The following CAT variants were observed in gnomAD, a reference collection of about 807,000 sequenced individuals.
The protein encoded by CAT is epididymis secretory sperm binding protein.
CAT carries 43 observed loss-of-function variants against 59.0 expected under a neutral mutation model. The observed-to-expected ratio is 0.73, with a 90% confidence interval of 0.57 to 0.94. The LOEUF (loss-of-function observed/expected upper bound fraction) is 0.94. Ranked by LOEUF, CAT falls within the 40% of genes least tolerant of loss-of-function variation. The pLI is 0.00. For synonymous variants in CAT, 218 were observed against 230.9 expected, an observed-to-expected ratio of 0.94 and a Z score of 0.51; for missense variants, 664 against 682.9, an observed-to-expected ratio of 0.97 and a Z score of 0.31.
chr11:34,445,417 C>T (rs17880274), intron 1 of CAT, among the ~76,000 whole-genome samples: 2,422 of 127,696 alleles, frequency 0.019, 75 homozygotes, highest in African/African-American at 0.067. Context: ...TGCTTGAACC[C>T]GGGAGGAGGT....
At chr11:34,439,734 G>A (rs536287638) in intron 1 of CAT, among the ~76,000 whole-genome samples, 3 of 152,226 alleles carry the variant, frequency 2.0e-5, no homozygotes, top group South Asian at 4.1e-4. Flanking sequence ...GGCACTGTTC[G>A]GGGCAAGGTG....
At chr11:34,465,497 C>T (rs751201364) in intron 10 of CAT, among the ~76,000 whole-genome samples, 6 of 152,142 alleles carry the variant, frequency 3.9e-5, no homozygotes, top group Admixed American at 2.0e-4. Context: ...AGAATTTTGC[C>T]TATGTGAGGT....
chr11:34,455,456 A>G (rs1319905257), intron 6 of CAT, among the ~76,000 whole-genome samples: 4 of 151,928 alleles, frequency 2.6e-5, no homozygotes, highest in African/African-American at 7.3e-5. Flanking sequence ...TTGCCTGCTC[A>G]TAGTCAGAGA....
At chr11:34,464,297 A>G (rs1184171966) in intron 10 of CAT, 62 bp downstream of exon 10, 4 of 1,491,262 alleles carry the variant, frequency 2.7e-6, no homozygotes, top group South Asian at 1.1e-5. Flanking sequence ...CAATGCCTGC[A>G]TAATCCCCCT....
intron 1 of CAT, among the ~76,000 whole-genome samples, chr11:34,446,185 C>T (rs906612090): frequency 1.9e-4 from 29 of 152,264 alleles, no homozygotes; most frequent in African/African-American, 6.7e-4. Flanking sequence ...CTAGTTTTTG[C>T]TCCCTGGCTT....
At chr11:34,451,991 G>T in intron 3 of CAT, 86 bp from the exon 4 acceptor site, 2 of 1,413,914 alleles carry the variant, frequency 1.4e-6, no homozygotes, top group Non-Finnish European at 2.0e-6. Flanking sequence ...TAGAAAGGAT[G>T]GATCCAGGTG....
At chr11:34,466,070 A>G (rs985776184) in intron 10 of CAT, among the ~76,000 whole-genome samples, 1 of 152,226 alleles carries the variant, frequency 6.6e-6, no homozygotes, top group Admixed American at 6.5e-5. Context: ...AAGGTCTGCT[A>G]AGAAGCAGAG....
At chr11:34,465,847 T>C (rs1230307396) in intron 10 of CAT, among the ~76,000 whole-genome samples, 1 of 152,198 alleles carries the variant, frequency 6.6e-6, no homozygotes, top group Admixed American at 6.5e-5. Flanking sequence ...AAGCACTTGT[T>C]TGAAGGCTTT....
At chr11:34,454,758 A>G (rs766430757) in intron 6 of CAT, among the ~76,000 whole-genome samples, 4 of 152,240 alleles carry the variant, frequency 2.6e-5, no homozygotes, top group African/African-American at 4.8e-5. Flanking sequence ...GGGTCAATGT[A>G]GTATTACTTA....
intron 12 of CAT, 81 bp from the exon 13 acceptor site, chr11:34,471,287 T>A: frequency 9.1e-7 from 1 of 1,097,726 alleles, no homozygotes; most frequent in Admixed American, 1.7e-5. Context: ...TATTTTCATT[T>A]GCATACATAT....
chr11:34,469,800 G>T (rs1306552035), intron 11 of CAT, among the ~76,000 whole-genome samples: 1 of 151,934 alleles, frequency 6.6e-6, no homozygotes, highest in Non-Finnish European at 1.5e-5. Flanking sequence ...CCAGTAGCTT[G>T]GACTACAGGC....
At chr11:34,461,029 T>G (rs1043732759) in intron 8 of CAT, 7 of 617,884 alleles carry the variant, frequency 1.1e-5, no homozygotes, top group Non-Finnish European at 2.0e-5. Context: ...ATGTGAAGAT[T>G]TATGGTTGGC....
rs548950511 is a variant in CAT, at chr11:34,450,562, A to T, written c.239-426A>T. ...TCCAGTGGTTTGTGTGTATTTTTCCATCTTGACTTGTTTAGTTTATTGCTT... is the reference window on the plus strand; with the variant it reads ...TCCAGTGGTTTGTGTGTATTTTTCCTTCTTGACTTGTTTAGTTTATTGCTT... On this transcript the variant is annotated intron_variant, in intron 2 of 12. Transcript: ENST00000241052. 2.0e-5 allele frequency among the ~76,000 whole-genome samples: 3 copies of T among 152,200 alleles called. No individual in the cohort carries two copies. In the South Asian group the frequency reaches 6.2e-4, roughly 32 times the overall value.
intron 8 of CAT, among the ~76,000 whole-genome samples, chr11:34,457,198 C>G (rs1347735816): frequency 2.6e-5 from 2 of 77,856 alleles, no homozygotes; most frequent in South Asian, 8.1e-4. Context: ...ACTTTATTTT[C>G]TTGTTCTTTT....
At position 34,471,383 on chromosome 11, in the gene CAT, T is replaced by C; in HGVS notation, c.1534T>C (p.Phe512Leu). Residue 512 changes from phenylalanine to leucine, a missense_variant, in exon 13 of 13, where the codon TTT becomes CTT. Transcript: ENST00000241052. ...AEKPKNAIHT[F>L]VQSGSHLAAR... The stretch of plus-strand genomic sequence containing the variant: ...TTTAAAACAGAATGCGATTCACACC[T>C]TTGTGCAGTCCGGATCTCACTTGGC... 1 of 1,614,014 alleles carries C rather than the reference T, an allele frequency of 6.2e-7. No individual in the cohort carries two copies. Among genetic ancestry groups the C allele is most frequent in the African/African-American group, 1.3e-5 (1 of 75,070 alleles).
At chr11:34,458,818 G>A (rs143396863) in intron 8 of CAT, among the ~76,000 whole-genome samples, 95 of 152,304 alleles carry the variant, frequency 6.2e-4, no homozygotes, top group African/African-American at 2.1e-3. Context: ...AGGCCCCCGG[G>A]AAAAGGACTG....
chr11:34,457,090 C>A, intron 8 of CAT: 1 of 444,352 alleles, frequency 2.3e-6, no homozygotes. Flanking sequence ...AAAAAAAAGA[C>A]ATAATAGAAA....
Position 34,456,161 on chromosome 11 carries a change from C to G in CAT, c.862C>G (p.Gln288Glu), listed in dbSNP as rs1590304321. 1 of 1,614,050 alleles carries G rather than the reference C, an allele frequency of 6.2e-7. No homozygotes were observed. The highest frequency in any genetic ancestry group is 2.2e-5 in the East Asian group (1 of 44,874). The change falls in exon 7 of 13, where the codon CAG (glutamine) becomes GAG (glutamate). Residue 288 changes from glutamine (Q) to glutamate (E), a missense_variant. Gln to Glu is a conservative substitution (Grantham distance 29). Transcript: ENST00000241052. Reference protein sequence around the residue: ...TFYIQVMTFNQAETFPFNPFD... With the variant: ...TFYIQVMTFNEAETFPFNPFD... ...TTACATCCAGGTCATGACATTTAAT[C>G]AGGCAGAAACTTTTCCATTTAATCC...
At chr11:34,445,317 AC>A (rs1856436811) in intron 1 of CAT, among the ~76,000 whole-genome samples, 1 of 151,586 alleles carries the variant, frequency 6.6e-6, no homozygotes, top group Admixed American at 6.6e-5. Flanking sequence ...ACATGATGGA[AC>A]CCTGTCTTTA....
Sources: allele counts gnomAD v4.1 joint callset (sites outside exome capture counted in the v4.1 genomes callset), GRCh38; gene constraint gnomAD v4.1.1; transcripts MANE v1.5; gene names NCBI Gene and HGNC (gene_info 2026-07-23, HGNC 2026-07-21).